SH3BGR: variants seen among roughly 807,000 people sequenced by gnomAD.
SH3BGR encodes the protein SH3 domain binding glutamate rich protein.
Under a neutral mutation model 24.5 loss-of-function variants are expected in SH3BGR, and 29 were observed. The observed-to-expected ratio is 1.18, with a 90% CI of 0.88 to 1.61. The LOEUF (loss-of-function observed/expected upper bound fraction) is 1.61. Among genes scored for constraint, SH3BGR ranks in the 40% most tolerant of loss-of-function variants. SH3BGR has a pLI of 0.00. For missense variants in SH3BGR, 162 were observed against 205.8 expected, an observed-to-expected ratio of 0.79 and a Z score of 1.30; for synonymous variants, 55 against 65.7, an observed-to-expected ratio of 0.84 and a Z score of 0.79.
chr21:39,455,043 G>A (rs544826143), intron 1 of SH3BGR, among the ~76,000 whole-genome samples: 8 of 152,322 alleles, frequency 5.3e-5, no homozygotes, highest in Admixed American at 3.3e-4. Context: ...AACACAGGTC[G>A]TCTCTGGCTC....
intron 1 of SH3BGR, among the ~76,000 whole-genome samples, chr21:39,457,218 AATC>A (rs1158833123): frequency 7.8e-6 from 1 of 128,004 alleles, no homozygotes; most frequent in Non-Finnish European, 1.6e-5. Flanking sequence ...ATTATATAAA[AATC>A]ATATATAGTT....
intron 1 of SH3BGR, among the ~76,000 whole-genome samples, chr21:39,454,253 C>T (rs888302791): frequency 2.6e-5 from 4 of 152,194 alleles, no homozygotes; most frequent in African/African-American, 9.7e-5. Context: ...GTCTGCCAAG[C>T]CTTTCCTACT....
chr21:39,460,168 G>A (rs2077731754), intron 1 of SH3BGR, among the ~76,000 whole-genome samples: 1 of 152,146 alleles, frequency 6.6e-6, no homozygotes, highest in African/African-American at 2.4e-5. Context: ...AACTCAGAGA[G>A]GAGCCAGGTG....
chr21:39,509,064 GC>G, intron 5 of SH3BGR, 37 bp downstream of exon 5: 1 of 1,564,490 alleles, frequency 6.4e-7, no homozygotes, highest in Middle Eastern at 1.7e-4. Context: ...TGCTTAATCT[GC>G]TTAATAAAAA....
chr21:39,447,297 T>C (rs1427988415), upstream of SH3BGR, among the ~76,000 whole-genome samples: 1 of 152,114 alleles, frequency 6.6e-6, no homozygotes, highest in Admixed American at 6.6e-5. Context: ...ACTGGAGGAA[T>C]TGAAAGGTAG....
At chr21:39,506,388 G>A (rs924422667) in intron 4 of SH3BGR, among the ~76,000 whole-genome samples, 2 of 152,198 alleles carry the variant, frequency 1.3e-5, no homozygotes, top group South Asian at 2.1e-4. Context: ...GGCCAGAGGG[G>A]TACACAGAGC....
chr21:39,499,922 T>G lies in SH3BGR; in HGVS notation c.405+7T>G, dbSNP rs1397341180. On this transcript the variant is annotated splice_region_variant and intron_variant, in intron 4 of 6. Coordinates refer to ENST00000333634, the MANE Select transcript of SH3BGR (RefSeq NM_007341.3). ...TGAAGCCCAGGAGAAGAATGTGAGT[T>G]TTCGCTTTTTCACAGCAGTTTGACT... 4.4e-6 allele frequency: 7 copies of G among 1,600,564 alleles called. No individual in the cohort carries two copies. The highest frequency in any genetic ancestry group is 6.0e-6 in the Non-Finnish European group (7 of 1,168,050).
chr21:39,451,971 G>C lies in SH3BGR; in HGVS notation c.-126G>C. The stretch of plus-strand genomic sequence containing the variant: ...GTTGGAGCGGGACTGCCGGAGCCCA[G>C]TGGACCCCTGGGCTGCTGCCAGCCC... On this transcript the variant is annotated 5_prime_UTR_variant, in exon 1 of 7. Transcript: ENST00000333634. The C allele has an allele frequency of 6.2e-7, 1 of 1,614,200 alleles. No homozygotes were observed. The highest frequency in any genetic ancestry group is 8.5e-7 in the Non-Finnish European group (1 of 1,180,024).
intron 5 of SH3BGR, 61 bp downstream of exon 5, chr21:39,509,088 G>A (rs1210800716): frequency 1.1e-5 from 16 of 1,404,626 alleles, no homozygotes; most frequent in Non-Finnish European, 1.6e-5. Context: ...TCTTTTAGGT[G>A]GGAGGATTGC....
chr21:39,449,183 A>T (rs1602052746), upstream of SH3BGR, among the ~76,000 whole-genome samples: 2 of 152,186 alleles, frequency 1.3e-5, no homozygotes, highest in East Asian at 3.8e-4. Context: ...ATATTAGTAG[A>T]TCCTCTGCAA....
chr21:39,485,318 A>G (rs1417534550), intron 3 of SH3BGR, among the ~76,000 whole-genome samples: 1 of 152,260 alleles, frequency 6.6e-6, no homozygotes, highest in Non-Finnish European at 1.5e-5. Flanking sequence ...TGATTGAATA[A>G]GCAGATTCAA....
At chr21:39,494,366 T>C (rs1352302375) in intron 3 of SH3BGR, among the ~76,000 whole-genome samples, 2 of 152,024 alleles carry the variant, frequency 1.3e-5, no homozygotes, top group African/African-American at 4.8e-5. Flanking sequence ...CCCAAAGAAC[T>C]TCCTTTAGTC....
chr21:39,453,127 C>T (rs1409566665), intron 1 of SH3BGR, among the ~76,000 whole-genome samples: 1 of 152,190 alleles, frequency 6.6e-6, no homozygotes, highest in Non-Finnish European at 1.5e-5. Context: ...GCTGGGGTGA[C>T]AGCCCCAAAG....
chr21:39,475,058 A>G (rs1397117945), intron 2 of SH3BGR, 77 bp from the exon 3 acceptor site: 2 of 901,374 alleles, frequency 2.2e-6, no homozygotes, highest in Admixed American at 2.2e-5. Flanking sequence ...ACTAAGAAAT[A>G]CAAAAGATCA....
chr21:39,475,061 A>G, intron 2 of SH3BGR, 74 bp from the exon 3 acceptor site: 1 of 931,816 alleles, frequency 1.1e-6, no homozygotes, highest in Non-Finnish European at 1.7e-6. Flanking sequence ...AAGAAATACA[A>G]AAGATCAGTT....
At chr21:39,475,092 C>T (rs1569158796) in intron 2 of SH3BGR, 43 bp from the exon 3 acceptor site, 1 of 1,236,580 alleles carries the variant, frequency 8.1e-7, no homozygotes. Flanking sequence ...AACTGGCTCA[C>T]AAGTGTGCAG....
At chr21:39,462,286 A>G (rs2077767456) in intron 1 of SH3BGR, 89 bp from the exon 2 acceptor site, 1 of 876,256 alleles carries the variant, frequency 1.1e-6, no homozygotes. Flanking sequence ...TTTGTGTTGT[A>G]TAGTATAACT....
intron 2 of SH3BGR, among the ~76,000 whole-genome samples, chr21:39,467,372 A>C (rs1314013279): frequency 6.6e-6 from 1 of 152,164 alleles, no homozygotes; most frequent in Non-Finnish European, 1.5e-5. Flanking sequence ...TAAATATACA[A>C]ATTATTTCAT....
At chr21:39,485,261 T>C (rs575870633) in intron 3 of SH3BGR, among the ~76,000 whole-genome samples, 1 of 152,346 alleles carries the variant, frequency 6.6e-6, no homozygotes, top group East Asian at 1.9e-4. Flanking sequence ...CAGATTCTTG[T>C]TGAAGTTATG....
Sources: gnomAD v4.1 joint callset for allele counts (sites outside exome capture counted in the v4.1 genomes callset) on GRCh38, gnomAD v4.1.1 for gene constraint, MANE v1.5 for transcripts, NCBI Gene and HGNC (gene_info 2026-07-23, HGNC 2026-07-21) for gene names.